SEPTIN11: variants seen among roughly 807,000 people sequenced by gnomAD.
SEPTIN11 encodes the protein septin-11.
In SEPTIN11, 25 loss-of-function variants were observed where a neutral mutation model predicts 51.4. The ratio of observed to expected loss-of-function variants is 0.49; its 90% CI spans 0.35 to 0.68. The LOEUF (loss-of-function observed/expected upper bound fraction) is 0.68. Ranked by LOEUF, SEPTIN11 falls within the 30% of genes least tolerant of loss-of-function variation. The pLI, the probability that SEPTIN11 is intolerant of heterozygous loss-of-function variation, is 0.00. For missense variants in SEPTIN11, 381 were observed against 520.8 expected (o/e 0.73, Z 2.61); for synonymous variants, 174 against 184.1 (o/e 0.95, Z 0.44).
rs1412571979 is a variant in SEPTIN11, at chr4:77,034,888, A to G, written c.*376A>G. ...TTCTCACCGCCTCAGCAGCTGAACTAAAAACCTGAATAGCCATGACAAGAG... is the reference window on the plus strand; with the variant it reads ...TTCTCACCGCCTCAGCAGCTGAACTGAAAACCTGAATAGCCATGACAAGAG... On this transcript the variant is annotated 3_prime_UTR_variant, in exon 10 of 10. Coordinates refer to ENST00000264893, the MANE Select transcript of SEPTIN11 (RefSeq NM_018243.4). The G allele has an allele frequency of 6.0e-6, 6 of 1,002,830 alleles. No individual in the cohort carries two copies. The highest frequency in any genetic ancestry group is 7.1e-6 in the Non-Finnish European group (6 of 841,662). The allele number at this position is 1,002,830 out of a possible 1,614,324, so 62.1% of individuals were successfully genotyped here.
chr4:76,970,072 T>C (rs2109899731), intron 1 of SEPTIN11, among the ~76,000 whole-genome samples: 1 of 152,326 alleles, frequency 6.6e-6, no homozygotes, highest in East Asian at 1.9e-4. Flanking sequence ...CATGCCTGTC[T>C]TCCTACAATC....
chr4:76,986,916 C>G (rs773150389), intron 1 of SEPTIN11, among the ~76,000 whole-genome samples: 1 of 151,988 alleles, frequency 6.6e-6, no homozygotes, highest in East Asian at 1.9e-4. Flanking sequence ...TAAAAGGTAA[C>G]ATTTCCCGAA....
chr4:77,004,087 A>G (rs1724313630), intron 2 of SEPTIN11, among the ~76,000 whole-genome samples: 1 of 152,106 alleles, frequency 6.6e-6, no homozygotes, highest in East Asian at 1.9e-4. Flanking sequence ...TTTTTTTCTC[A>G]TTGCCAACTG....
Position 77,036,438 on chromosome 4 carries a change from G to A in SEPTIN11, c.*1926G>A. 8.5e-7 allele frequency: 1 copy of A among 1,183,350 alleles called. No individual in the cohort carries two copies. Among genetic ancestry groups the A allele is most frequent in the Non-Finnish European group, 1.1e-6 (1 of 950,804 alleles). 73.3% of individuals were successfully genotyped at this position (1,183,350 alleles called of 1,614,324 possible). A position where few individuals can be genotyped will look rare whatever the true frequency, so the allele number is the denominator to read the frequency against. ...CTTGTTCCAACCACCGCTTGTGTGA[G>A]CATTTTTGTGGCTTGTACAGAAAGT... is the stretch of plus-strand genomic sequence containing the variant. On this transcript the variant is annotated 3_prime_UTR_variant, in exon 10 of 10. Transcript: ENST00000264893.
intron 6 of SEPTIN11, among the ~76,000 whole-genome samples, chr4:77,020,137 C>A (rs955037211): frequency 2.0e-5 from 3 of 152,138 alleles, no homozygotes; most frequent in East Asian, 1.9e-4. Context: ...CTAGACCCTG[C>A]TACCTCTCTT....
chr4:76,984,348 C>G lies in SEPTIN11; in HGVS notation c.28-12077C>G, dbSNP rs1722917242. Among the ~76,000 whole-genome samples, 1 of 151,990 alleles carries G rather than the reference C, an allele frequency of 6.6e-6. No homozygotes were observed. The highest frequency in any genetic ancestry group is 2.1e-4 in the South Asian group (1 of 4,824). ...TTTTTTTTTTCTTCTCTCACAGAGA[C>G]TGCCATCACATGGCCATTACTGTAA... is the stretch of plus-strand genomic sequence containing the variant. On this transcript the variant is annotated intron_variant, in intron 1 of 9. Coordinates refer to ENST00000264893, the MANE Select transcript of SEPTIN11 (RefSeq NM_018243.4). The surrounding 1 kb of genome is among the most constrained non-coding windows in gnomAD (Gnocchi z 4.1).
chr4:77,012,047 G>A, intron 4 of SEPTIN11, 126 bp downstream of exon 4: 2 of 654,126 alleles, frequency 3.1e-6, no homozygotes, highest in Non-Finnish European at 4.7e-6. Flanking sequence ...GTGTTTGACA[G>A]CATGAGAAAA....
chr4:77,036,511 C>T lies in SEPTIN11; in HGVS notation c.*1999C>T. 7.4e-7 allele frequency: 1 copy of T among 1,348,906 alleles called. No homozygotes were observed. The highest frequency in any genetic ancestry group is 9.5e-7 in the Non-Finnish European group (1 of 1,052,538). 83.6% of individuals were successfully genotyped at this position (1,348,906 alleles called of 1,614,324 possible). A position where few individuals can be genotyped will look rare whatever the true frequency, so the allele number is the denominator to read the frequency against. ...ATCACTAAAATTTTTTTAAAATGAG[C>T]ATAACAACGAAAGGCATCCAGCTGA... On this transcript the variant is annotated 3_prime_UTR_variant, in exon 10 of 10. Coordinates refer to ENST00000264893, the MANE Select transcript of SEPTIN11 (RefSeq NM_018243.4).
intron 1 of SEPTIN11, among the ~76,000 whole-genome samples, chr4:76,955,283 T>G (rs1721512887): frequency 6.6e-6 from 1 of 152,216 alleles, no homozygotes; most frequent in Non-Finnish European, 1.5e-5. Context: ...TTGACTGCAG[T>G]CTTTGCTGCT....
intron 1 of SEPTIN11, among the ~76,000 whole-genome samples, chr4:76,972,026 C>T (rs1016408958): frequency 1.3e-5 from 2 of 152,228 alleles, no homozygotes; most frequent in African/African-American, 4.8e-5. Context: ...CGATCCCCAA[C>T]TACCATGACT....
chr4:76,990,439 G>T (rs1014125337), intron 1 of SEPTIN11, among the ~76,000 whole-genome samples: 7 of 152,244 alleles, frequency 4.6e-5, no homozygotes, highest in Non-Finnish European at 8.8e-5. Context: ...TCCCCAGGCT[G>T]CCAACTGAGA....
At chr4:76,982,740 C>T (rs1163090231) in intron 1 of SEPTIN11, among the ~76,000 whole-genome samples, 3 of 152,186 alleles carry the variant, frequency 2.0e-5, no homozygotes, top group African/African-American at 7.2e-5. Flanking sequence ...ATTCTTGTTA[C>T]AAACACAACA....
chr4:76,949,793 A>T lies in SEPTIN11; in HGVS notation c.-111A>T. On this transcript the variant is annotated 5_prime_UTR_variant, in exon 1 of 10. Coordinates refer to ENST00000264893, the MANE Select transcript of SEPTIN11 (RefSeq NM_018243.4). The stretch of plus-strand genomic sequence containing the variant: ...CTGCCAGCGGGACGCCGGCGAGCAG[A>T]GCGCAGCCGCGAGGGAGGCGCGAGG... 1 of 1,211,878 alleles carries T rather than the reference A, an allele frequency of 8.3e-7. No homozygotes were observed. The highest frequency in any genetic ancestry group is 1.1e-6 in the Non-Finnish European group (1 of 879,104). The allele number at this position is 1,211,878 out of a possible 1,614,324, so 75.1% of individuals were successfully genotyped here.
At chr4:76,999,414 C>T (rs1183426503) in intron 2 of SEPTIN11, among the ~76,000 whole-genome samples, 4 of 152,164 alleles carry the variant, frequency 2.6e-5, no homozygotes, top group Non-Finnish European at 4.4e-5. Context: ...TAACAGCATC[C>T]ATGGTAACTT....
intron 7 of SEPTIN11, chr4:77,021,328 C>G (rs1455213523): frequency 2.0e-5 from 3 of 152,462 alleles, no homozygotes; most frequent in Non-Finnish European, 4.4e-5. Flanking sequence ...AGGGATAGGG[C>G]TGGCAAGGCT....
chr4:77,030,216 A>T (rs1227888393), intron 8 of SEPTIN11, among the ~76,000 whole-genome samples: 2 of 151,620 alleles, frequency 1.3e-5, no homozygotes, highest in Non-Finnish European at 2.9e-5. Context: ...AGATTGTGTC[A>T]CTACTCTCCA....
intron 2 of SEPTIN11, among the ~76,000 whole-genome samples, chr4:77,001,629 C>T (rs556394315): frequency 1.3e-5 from 2 of 152,280 alleles, no homozygotes; most frequent in South Asian, 2.1e-4. Flanking sequence ...AGATTACAGG[C>T]GTGAGCCACC....
At chr4:76,995,860 A>T (rs773383491) in intron 1 of SEPTIN11, 4 of 1,535,458 alleles carry the variant, frequency 2.6e-6, no homozygotes, top group Admixed American at 2.0e-5. Flanking sequence ...GGGGAAGAAG[A>T]CTCAAGAAAC....
chr4:76,990,028 A>ATTT lies in SEPTIN11; in HGVS notation c.28-6397_28-6396insTTT, dbSNP rs1484711504. On this transcript the variant is annotated intron_variant, in intron 1 of 9. Coordinates refer to ENST00000264893, the MANE Select transcript of SEPTIN11 (RefSeq NM_018243.4). ...TTTATTGTGAAGAGCAAAAGAACAA[A>ATTT]GCTTCCACAGCGTGGAAGGGGACCT... is the stretch of plus-strand genomic sequence containing the variant. 3.3e-5 allele frequency among the ~76,000 whole-genome samples: 5 copies of ATTT among 152,270 alleles called. No homozygotes were observed. In the South Asian group the frequency reaches 1.0e-3, roughly 32 times the overall value.
Sources: gnomAD v4.1 joint callset for allele counts (sites outside exome capture counted in the v4.1 genomes callset) on GRCh38, gnomAD v4.1.1 for gene constraint, Gnocchi (gnomAD v3.1) non-coding constraint, MANE v1.5 for transcripts, NCBI Gene and HGNC (gene_info 2026-07-23, HGNC 2026-07-21) for gene names.